BEGAIN: variants seen among roughly 807,000 people sequenced by gnomAD.
BEGAIN encodes the protein brain enriched guanylate kinase associated, also known as brain-enriched guanylate kinase-associated protein.
BEGAIN carries 19 observed loss-of-function variants against 35.8 expected under a neutral mutation model. The observed-to-expected ratio is 0.53, with a 90% CI of 0.37 to 0.78. The LOEUF is 0.78. Among genes scored for constraint, BEGAIN ranks in the 30% least tolerant of loss-of-function variants. The pLI, the probability that BEGAIN is intolerant of heterozygous loss-of-function variation, is 0.00. For synonymous variants in BEGAIN, 462 were observed against 388.6 expected, an observed-to-expected ratio of 1.19 and a Z score of -2.22; for missense variants, 795 against 853.6, an observed-to-expected ratio of 0.93 and a Z score of 0.85.
chr14:100,537,773 G>A lies in BEGAIN; in HGVS notation c.*196C>T, dbSNP rs2030774838. 2 of 786,514 alleles carry A rather than the reference G, an allele frequency of 2.5e-6. No individual in the cohort carries two copies. Among genetic ancestry groups the A allele is most frequent in the Non-Finnish European group, 3.7e-6 (2 of 534,294 alleles). The allele number at this position is 786,514 out of a possible 1,614,324, so 48.7% of individuals were successfully genotyped here. On this transcript the variant is annotated 3_prime_UTR_variant, in exon 7 of 7. Coordinates refer to ENST00000554140, the MANE Select transcript of BEGAIN (RefSeq NM_001385089.1). ...AAGTGGAGTTCCACGGGCCGGGGCCGGGTGGACACCGTGGTGTGGGGGACC... is the reference window on the plus strand; with the variant it reads ...AAGTGGAGTTCCACGGGCCGGGGCCAGGTGGACACCGTGGTGTGGGGGACC...
chr14:100,563,756 G>C lies in BEGAIN; in HGVS notation c.71+4155C>G. ...CCCACATCCCCAGACACCCGCACAG[G>C]AGTTTCCTAAGGTGGCCCAGGCTGC... On this transcript the variant is annotated intron_variant, in intron 2 of 6. Transcript: ENST00000554140. The surrounding 1 kb of genome is among the most constrained non-coding windows in gnomAD (Gnocchi z 4.2). Among the ~76,000 whole-genome samples the C allele has an allele frequency of 6.6e-6, 1 of 152,204 alleles. No homozygotes were observed. The highest frequency in any genetic ancestry group is 1.5e-5 in the Non-Finnish European group (1 of 68,046).
At chr14:100,561,001 T>G (rs1011016061) in intron 2 of BEGAIN, among the ~76,000 whole-genome samples, 1 of 150,980 alleles carries the variant, frequency 6.6e-6, no homozygotes, top group Non-Finnish European at 1.5e-5. Flanking sequence ...CCCAGAGGCC[T>G]CCAGCCCTCG....
At chr14:100,581,654 A>T (rs2035317499) in intron 1 of BEGAIN, among the ~76,000 whole-genome samples, 1 of 152,208 alleles carries the variant, frequency 6.6e-6, no homozygotes, top group Non-Finnish European at 1.5e-5. Flanking sequence ...AGGTGCAGTG[A>T]CCCGTCGGAG....
At chr14:100,580,080 G>A (rs1338184975) in intron 1 of BEGAIN, among the ~76,000 whole-genome samples, 6 of 152,170 alleles carry the variant, frequency 3.9e-5, no homozygotes, top group African/African-American at 1.2e-4. Context: ...CGAGGCAGGC[G>A]GATCACCTGA....
chr14:100,568,889 C>A lies in BEGAIN; in HGVS notation c.43-950G>T, dbSNP rs1019896284. ...GACAGGGGTCCGAGCTCAGGGACCA[C>A]GCGACAGACCTGGGAAGACTGATGA... On this transcript the variant is annotated intron_variant, in intron 1 of 6. Transcript: ENST00000554140. This position sits in a 1 kb window ranked among gnomAD's most constrained non-coding sequence, Gnocchi z 7.5. 4 of 985,232 alleles carry A rather than the reference C, an allele frequency of 4.1e-6. No individual in the cohort carries two copies. In the African/African-American group the frequency reaches 5.2e-5, roughly 13 times the overall value. The allele number at this position is 985,232 out of a possible 1,614,324, so 61.0% of individuals were successfully genotyped here. A position where few individuals can be genotyped will look rare whatever the true frequency, so the allele number is the denominator to read the frequency against.
At chr14:100,571,995 T>C (rs1159480948) in intron 1 of BEGAIN, among the ~76,000 whole-genome samples, 3 of 152,192 alleles carry the variant, frequency 2.0e-5, no homozygotes, top group African/African-American at 4.8e-5. Context: ...AGCCCTGCGG[T>C]GAGCAGGTGG....
At position 100,538,203 on chromosome 14, in the gene BEGAIN, G is replaced by T; in HGVS notation, c.1605C>A (p.Ser535Arg). Residue 535 changes from serine to arginine, a missense_variant, in exon 7 of 7, where the codon AGC becomes AGA. By Grantham distance (110) the Ser-to-Arg change is moderately radical (BLOSUM62 -1). Around this residue, in one of 3 missense-constraint regions of BEGAIN, gnomAD observed 664 missense variants for 647.7 expected, o/e 1.03. Transcript: ENST00000554140. ...SADPLPGYAP[S>R]EGGDGDRLGV... ...CGAGCCTGTCCCCGTCCCCCCCCTC[G>T]CTGGGTGCATAGCCGGGCAGTGGGT... The T allele has an allele frequency of 6.4e-7, 1 of 1,554,654 alleles. No homozygotes were observed.
intron 1 of BEGAIN, among the ~76,000 whole-genome samples, chr14:100,572,927 T>C (rs934590382): frequency 4.6e-5 from 7 of 152,056 alleles, no homozygotes; most frequent in Non-Finnish European, 1.5e-5. Flanking sequence ...GATTCAGCAC[T>C]GGTCAGACTG....
intron 3 of BEGAIN, among the ~76,000 whole-genome samples, chr14:100,545,600 G>C (rs2032270810): frequency 6.6e-6 from 1 of 152,234 alleles, no homozygotes; most frequent in Non-Finnish European, 1.5e-5. Context: ...GGTGGGAGGG[G>C]GCTTGGGGAT....
At chr14:100,557,099 G>C (rs4076531) in intron 2 of BEGAIN, among the ~76,000 whole-genome samples, 4,135 of 82,170 alleles carry the variant, frequency 0.05, 219 homozygotes, top group African/African-American at 0.23. Flanking sequence ...GCGGGCCAAA[G>C]CCAGGCCCCC....
At chr14:100,575,101 A>T (rs752497171) in intron 1 of BEGAIN, among the ~76,000 whole-genome samples, 1 of 152,214 alleles carries the variant, frequency 6.6e-6, no homozygotes. Flanking sequence ...AGCACAGGAC[A>T]GGACTGAAAC....
Position 100,551,268 on chromosome 14 carries a change from A to G in BEGAIN, c.72-4606T>C, listed in dbSNP as rs374478645. On this transcript the variant is annotated intron_variant, in intron 2 of 6. Transcript: ENST00000554140. ...AGGGTGTTGGCCTGCTGGAGGACAC[A>G]GCGCCCAGACGAGTGCCCTCTTGGT... Among the ~76,000 whole-genome samples, 216 of 152,274 alleles carry G rather than the reference A, an allele frequency of 1.4e-3. 1 individual carries two copies. The highest frequency in any genetic ancestry group is 5.0e-3 in the African/African-American group (207 of 41,562).
chr14:100,539,330 A>C lies in BEGAIN; in HGVS notation c.493-15T>G, dbSNP rs189919728. On this transcript the variant is annotated splice_polypyrimidine_tract_variant and intron_variant, in intron 6 of 6. Coordinates refer to ENST00000554140, the MANE Select transcript of BEGAIN (RefSeq NM_001385089.1). ...TCCGAGGGCAGCTGGAACGGGTGCG[A>C]GGAGGGGGACGGCGGGTACAGGGTC... 5.2e-6 allele frequency: 8 copies of C among 1,536,910 alleles called. No homozygotes were observed. Among genetic ancestry groups the C allele is most frequent in the Non-Finnish European group, 7.0e-6 (8 of 1,144,300 alleles).
chr14:100,582,311 AT>A (rs2035335768), intron 1 of BEGAIN, among the ~76,000 whole-genome samples: 1 of 151,930 alleles, frequency 6.6e-6, no homozygotes, highest in Admixed American at 6.6e-5. Context: ...TGCCCAGCTA[AT>A]TTTTGTATTT....
intron 2 of BEGAIN, chr14:100,547,044 A>G (rs2032619543): frequency 6.0e-6 from 1 of 165,344 alleles, no homozygotes; most frequent in Non-Finnish European, 1.3e-5. Flanking sequence ...CACCCAGGCT[A>G]TCACAGAGCT....
Position 100,538,488 on chromosome 14 carries a change from CAG to C in BEGAIN, c.1318_1319del (p.Leu440GlufsTer25). 2 of 1,550,166 alleles carry C rather than the reference CAG, an allele frequency of 1.3e-6. No individual in the cohort carries two copies. Among genetic ancestry groups the C allele is most frequent in the Non-Finnish European group, 1.7e-6 (2 of 1,153,766 alleles). Reference sequence around the variant, plus strand: ...AGTAGGCGCCGATGTCCTCCACGCTCAGGGGACGCCACTGGCCCCTCATGTCC... The same window carrying C: ...AGTAGGCGCCGATGTCCTCCACGCTCGGGACGCCACTGGCCCCTCATGTCC... ...GEDMRGQWRP[L>X]SVEDIGAYSY... On this transcript the variant is annotated frameshift_variant, in exon 7 of 7. Transcript: ENST00000554140. LOFTEE classifies it high-confidence loss of function.
chr14:100,538,975 G>C lies in BEGAIN; in HGVS notation c.833C>G (p.Ala278Gly), dbSNP rs745381053. The change falls in exon 7 of 7, where the codon GCC (alanine) becomes GGC (glycine). Residue 278 changes from alanine to glycine, a missense_variant. Around this residue, in one of 3 missense-constraint regions of BEGAIN, gnomAD observed 664 missense variants for 647.7 expected, o/e 1.03. Transcript: ENST00000554140. ...APVTDVGFLR[A>G]QNSTDSAAEE... ...GGCCGCGCTGTCAGTGGAGTTCTGG[G>C]CCCGCAGGAAGCCCACGTCGGTCAC... 2 of 1,610,232 alleles carry C rather than the reference G, an allele frequency of 1.2e-6. No individual in the cohort carries two copies. Among genetic ancestry groups the C allele is most frequent in the South Asian group, 2.2e-5 (2 of 90,846 alleles).
intron 1 of BEGAIN, among the ~76,000 whole-genome samples, chr14:100,572,615 G>A (rs916595022): frequency 1.3e-5 from 2 of 152,194 alleles, no homozygotes; most frequent in Non-Finnish European, 2.9e-5. Context: ...AACATGTGGA[G>A]GGCAGAGATG....
chr14:100,583,634 CTT>C (rs1474364610), intron 1 of BEGAIN, among the ~76,000 whole-genome samples: 2 of 142,116 alleles, frequency 1.4e-5, no homozygotes, highest in Admixed American at 6.7e-5. Context: ...CTCTTTCTCT[CTT>C]TCTTTCTTTC....
Sources: allele counts gnomAD v4.1 joint callset (sites outside exome capture counted in the v4.1 genomes callset), GRCh38; gene constraint gnomAD v4.1.1; regional missense constraint gnomAD v4.1.1; non-coding constraint Gnocchi (gnomAD v3.1); transcripts MANE v1.5; gene names NCBI Gene and HGNC (gene_info 2026-07-23, HGNC 2026-07-21).